The following SLC71A1 variants were observed in gnomAD, a reference collection of about 807,000 sequenced individuals.
The protein encoded by SLC71A1 is solute carrier family 71 member 1, also known as hippocampus abundant gene transcript 1.
the SLC71A1 span, among the ~76,000 whole-genome samples, chr1:100,062,834 G>A: frequency 6.6e-6 from 1 of 151,304 alleles, no homozygotes; most frequent in Non-Finnish European, 1.5e-5. Context: ...TCAGCACTTT[G>A]GGAGGTTGAG....
chr1:100,049,440 C>A, the SLC71A1 span, among the ~76,000 whole-genome samples: 1 of 151,418 alleles, frequency 6.6e-6, no homozygotes, highest in African/African-American at 2.4e-5. Flanking sequence ...AATATAGACT[C>A]CTTAGCATGG....
At chr1:100,049,058 G>A in the SLC71A1 span, among the ~76,000 whole-genome samples, 2 of 152,118 alleles carry the variant, frequency 1.3e-5, no homozygotes, top group East Asian at 3.9e-4. Context: ...ACTGTTTTAT[G>A]CCCTCATTTC....
chr1:100,056,000 C>T, the SLC71A1 span, among the ~76,000 whole-genome samples: 1 of 152,208 alleles, frequency 6.6e-6, no homozygotes, highest in Non-Finnish European at 1.5e-5. Context: ...CTCTGCCCGC[C>T]TCAGCCTCCC....
At chr1:100,046,818 G>A in the SLC71A1 span, among the ~76,000 whole-genome samples, 7 of 152,092 alleles carry the variant, frequency 4.6e-5, no homozygotes, top group African/African-American at 1.7e-4. Context: ...TTATTCTTAG[G>A]TATTACATCT....
the SLC71A1 span, among the ~76,000 whole-genome samples, chr1:100,045,093 G>A: frequency 6.6e-6 from 1 of 151,676 alleles, no homozygotes. Flanking sequence ...GTTTTGGTCA[G>A]TATAGTCATT....
the SLC71A1 span, among the ~76,000 whole-genome samples, chr1:100,048,202 T>TTTTTC: frequency 4.0e-5 from 6 of 150,850 alleles, no homozygotes; most frequent in Non-Finnish European, 5.9e-5. Context: ...TTTTTTTTTT[T>TTTTTC]TTCAGAGTCT....
At chr1:100,078,444 C>T in the SLC71A1 span, 4 of 1,599,490 alleles carry the variant, frequency 2.5e-6, no homozygotes, top group South Asian at 2.2e-5. Flanking sequence ...TGCTGCTCTC[C>T]TTATAGGATG....
the SLC71A1 span, chr1:100,069,825 T>C: frequency 1.5e-6 from 1 of 660,750 alleles, no homozygotes; most frequent in South Asian, 1.8e-5. Context: ...TTCAATTTGT[T>C]TGTGTAGCTA....
chr1:100,053,225 G>A, the SLC71A1 span, among the ~76,000 whole-genome samples: 9 of 151,908 alleles, frequency 5.9e-5, no homozygotes, highest in South Asian at 4.2e-4. Context: ...TTGTTTTTTT[G>A]TTGTTGGCTT....
the SLC71A1 span, among the ~76,000 whole-genome samples, chr1:100,048,957 G>A: frequency 2.6e-5 from 4 of 152,182 alleles, no homozygotes; most frequent in Admixed American, 2.6e-4. Flanking sequence ...AGTTGTTCTT[G>A]ATTCTCCCTT....
the SLC71A1 span, chr1:100,060,000 C>T: frequency 6.2e-7 from 1 of 1,608,356 alleles, no homozygotes; most frequent in African/African-American, 1.3e-5. Context: ...TGAAGATCAG[C>T]CCATGGTATG....
the SLC71A1 span, chr1:100,079,245 C>G: frequency 6.6e-6 from 1 of 150,910 alleles, no homozygotes. Context: ...GAGTTTGAAG[C>G]TAGCTTAGGC....
chr1:100,054,615 A>G, the SLC71A1 span, among the ~76,000 whole-genome samples: 1 of 152,142 alleles, frequency 6.6e-6, no homozygotes, highest in East Asian at 1.9e-4. Flanking sequence ...CTCAAAATCC[A>G]CTAGCATCTC....
chr1:100,047,581 C>G, the SLC71A1 span, among the ~76,000 whole-genome samples: 2 of 152,172 alleles, frequency 1.3e-5, no homozygotes, highest in Admixed American at 6.5e-5. Flanking sequence ...CGCCACCACG[C>G]CTGGCTAATT....
At chr1:100,046,869 CAGA>C in the SLC71A1 span, among the ~76,000 whole-genome samples, 4 of 152,072 alleles carry the variant, frequency 2.6e-5, no homozygotes, top group African/African-American at 9.7e-5. Context: ...GTTTCTTTTT[CAGA>C]TATTTGCTGT....
the SLC71A1 span, among the ~76,000 whole-genome samples, chr1:100,061,309 A>G: frequency 1.3e-5 from 2 of 152,330 alleles, no homozygotes; most frequent in African/African-American, 4.8e-5. Flanking sequence ...TGAACACTGA[A>G]TCCTGCCATA....
At chr1:100,072,978 T>C in the SLC71A1 span, among the ~76,000 whole-genome samples, 1 of 152,152 alleles carries the variant, frequency 6.6e-6, no homozygotes, top group African/African-American at 2.4e-5. Flanking sequence ...TATCTCAGCC[T>C]TAACATGGCC....
the SLC71A1 span, chr1:100,059,772 T>G: frequency 7.3e-6 from 7 of 955,378 alleles, no homozygotes; most frequent in Non-Finnish European, 1.0e-5. Context: ...ATATATTTAC[T>G]TTAGAAACAA....
At chr1:100,059,144 G>GTTTTTTTTTTTTTGT in the SLC71A1 span, among the ~76,000 whole-genome samples, 2 of 75,428 alleles carry the variant, frequency 2.7e-5, no homozygotes, top group African/African-American at 1.2e-4. Flanking sequence ...TCTTTTTCGT[G>GTTTTTTTTTTTTTGT]TTTTTTTTTT....
Sources: allele counts gnomAD v4.1 joint callset (sites outside exome capture counted in the v4.1 genomes callset), GRCh38; gene constraint gnomAD v4.1.1; transcripts MANE v1.5; gene names NCBI Gene and HGNC (gene_info 2026-07-23, HGNC 2026-07-21).